Variants in E2F7 observed in about 807,000 individuals in gnomAD.
E2F7 encodes the protein transcription factor E2F7.
Under a neutral mutation model 81.1 loss-of-function variants are expected in E2F7, and 35 were observed. The ratio of observed to expected loss-of-function variants is 0.43; its 90% confidence interval spans 0.33 to 0.57. The LOEUF (loss-of-function observed/expected upper bound fraction) is 0.57, where lower values mean the gene tolerates loss of function less well. Ranked by LOEUF, E2F7 falls within the 20% of genes least tolerant of loss-of-function variation. E2F7 has a pLI of 0.04. For synonymous variants in E2F7, 416 were observed against 416.2 expected, an observed-to-expected ratio of 1.00 and a Z score of 0.01; for missense variants, 961 against 1,093.7, an observed-to-expected ratio of 0.88 and a Z score of 1.71.
intron 9 of E2F7, 67 bp from the exon 10 acceptor site, chr12:77,030,399 A>G: frequency 6.7e-7 from 1 of 1,497,146 alleles, no homozygotes; most frequent in Non-Finnish European, 8.9e-7. Context: ...TACTTTCCCA[A>G]AGACAGCCAT....
At chr12:77,034,404 C>A (rs1954832010) in intron 7 of E2F7, among the ~76,000 whole-genome samples, 1 of 152,214 alleles carries the variant, frequency 6.6e-6, no homozygotes, top group Non-Finnish European at 1.5e-5. Flanking sequence ...CCATGCTCAG[C>A]CCAACATGCA....
intron 1 of E2F7, 165 bp from the exon 2 acceptor site, chr12:77,064,800 C>T (rs1955104678): frequency 1.7e-6 from 1 of 587,912 alleles, no homozygotes; most frequent in Admixed American, 3.2e-5. Flanking sequence ...CTTTCTAAAA[C>T]TCACGCGAAC....
intron 7 of E2F7, among the ~76,000 whole-genome samples, chr12:77,038,865 ATTAT>A (rs974672541): frequency 2.6e-5 from 4 of 152,202 alleles, no homozygotes; most frequent in Admixed American, 6.5e-5. Flanking sequence ...TCACTGGAAA[ATTAT>A]TTATTTATCA....
At chr12:77,043,871 A>G (rs1459966524) in intron 6 of E2F7, among the ~76,000 whole-genome samples, 1 of 152,190 alleles carries the variant, frequency 6.6e-6, no homozygotes, top group African/African-American at 2.4e-5. Context: ...TAATGACCAC[A>G]AAGTATTTTC....
At position 77,033,947 on chromosome 12, in the gene E2F7, G is replaced by T. The variant is rs149832700; in HGVS notation, c.1219C>A (p.Arg407Ser). Residue 407 changes from arginine to serine, a missense_variant, in exon 8 of 13, where the codon CGC (arginine) becomes AGC (serine). Physicochemically the swap from Arg to Ser is moderately radical, Grantham distance 110. Coordinates refer to ENST00000322886, the MANE Select transcript of E2F7 (RefSeq NM_203394.3). ...IQVCAKQKLARHGSFNTVQAS... is the reference protein window; with the variant it reads ...IQVCAKQKLASHGSFNTVQAS... ...TGAACTGTGTTAAAAGAACCATGGCGAGCCAGCTTCTGTTTTGCACAGACT... is the reference window on the plus strand; with the variant it reads ...TGAACTGTGTTAAAAGAACCATGGCTAGCCAGCTTCTGTTTTGCACAGACT... The T allele has an allele frequency of 1.2e-4, 201 of 1,614,044 alleles. No homozygotes were observed. The highest frequency in any genetic ancestry group is 1.6e-4 in the Non-Finnish European group (192 of 1,180,020).
At chr12:77,056,689 T>C (rs966357948) in intron 2 of E2F7, among the ~76,000 whole-genome samples, 2 of 152,158 alleles carry the variant, frequency 1.3e-5, no homozygotes, top group East Asian at 1.9e-4. Context: ...CTCGTTTTTT[T>C]AGATTTCCAA....
At chr12:77,057,052 A>T (rs1159941292) in intron 2 of E2F7, among the ~76,000 whole-genome samples, 1 of 151,078 alleles carries the variant, frequency 6.6e-6, no homozygotes, top group Non-Finnish European at 1.5e-5. Flanking sequence ...ACACCCAAAT[A>T]CTTATATTTT....
intron 9 of E2F7, among the ~76,000 whole-genome samples, chr12:77,032,827 T>C (rs1199506834): frequency 6.6e-6 from 1 of 152,234 alleles, no homozygotes; most frequent in Non-Finnish European, 1.5e-5. Flanking sequence ...CTTTTTATCT[T>C]GTTCCTATAA....
Position 77,033,966 on chromosome 12 carries a change from A to C in E2F7, c.1200T>G (p.Cys400Trp). The change falls in exon 8 of 13, where the codon TGT becomes TGG. Residue 400 changes from cysteine to tryptophan, a missense_variant. By Grantham distance (215) the Cys-to-Trp change is radical. This residue lies in a region of E2F7 where 587 missense variants were observed against 620.3 expected (regional missense o/e 0.95). Coordinates refer to ENST00000322886, the MANE Select transcript of E2F7 (RefSeq NM_203394.3). ...KRETYGQIQVCAKQKLARHGS... is the reference protein window; with the variant it reads ...KRETYGQIQVWAKQKLARHGS... The stretch of plus-strand genomic sequence containing the variant: ...CATGGCGAGCCAGCTTCTGTTTTGC[A>C]CAGACTTGAATCTGGCCATATGTTT... 1 of 1,614,234 alleles carries C rather than the reference A, an allele frequency of 6.2e-7. No individual in the cohort carries two copies. Among genetic ancestry groups the C allele is most frequent in the Non-Finnish European group, 8.5e-7 (1 of 1,180,022 alleles).
intron 4 of E2F7, among the ~76,000 whole-genome samples, chr12:77,046,631 C>A (rs566812163): frequency 5.3e-5 from 8 of 152,316 alleles, no homozygotes; most frequent in African/African-American, 1.9e-4. Context: ...AGGCAAACCA[C>A]GCGAACATTT....
intron 7 of E2F7, 125 bp from the exon 8 acceptor site, chr12:77,034,167 A>G: frequency 1.3e-6 from 1 of 754,052 alleles, no homozygotes; most frequent in Non-Finnish European, 1.9e-6. Flanking sequence ...ATCAAAAACT[A>G]AGACAATCAA....
At chr12:77,044,437 A>G in intron 6 of E2F7, 200 bp downstream of exon 6, 1 of 618,708 alleles carries the variant, frequency 1.6e-6, no homozygotes, top group Non-Finnish European at 2.8e-6. Flanking sequence ...ACCGAGGAAA[A>G]GGCACTGACA....
intron 2 of E2F7, among the ~76,000 whole-genome samples, chr12:77,056,642 C>A (rs1955035474): frequency 6.6e-6 from 1 of 152,150 alleles, no homozygotes; most frequent in South Asian, 2.1e-4. Flanking sequence ...ACGTCATTCT[C>A]CAGAGCAGTG....
At position 77,055,775 on chromosome 12, in the gene E2F7, T is replaced by C. The variant is rs535158898; in HGVS notation, c.369+80A>G. On this transcript the variant is annotated intron_variant, in intron 3 of 12. Coordinates refer to ENST00000322886, the MANE Select transcript of E2F7 (RefSeq NM_203394.3). ...TTTTGGCTCAATAGGAGCTGAAAAG[T>C]TGACAGTTCTATGATTTTTTAATAA... is the stretch of plus-strand genomic sequence containing the variant. 5.4e-6 allele frequency: 8 copies of C among 1,490,800 alleles called. No homozygotes were observed. The South Asian group carries it at 8.7e-5, about 16-fold the overall frequency. The allele number at this position is 1,490,800 out of a possible 1,614,324, so 92.3% of individuals were successfully genotyped here.
intron 12 of E2F7, among the ~76,000 whole-genome samples, chr12:77,024,702 T>C (rs901968397): frequency 1.4e-4 from 22 of 152,254 alleles, no homozygotes; most frequent in African/African-American, 4.6e-4. Context: ...TCTTGTTCAC[T>C]GGTTCACTGC....
At chr12:77,058,240 C>T (rs1178390604) in intron 2 of E2F7, among the ~76,000 whole-genome samples, 5 of 152,258 alleles carry the variant, frequency 3.3e-5, no homozygotes, top group East Asian at 3.9e-4. Flanking sequence ...CTATGTGCCA[C>T]GCTCTGTTTC....
At chr12:77,029,213 T>C (rs760942141) in intron 10 of E2F7, among the ~76,000 whole-genome samples, 1 of 152,216 alleles carries the variant, frequency 6.6e-6, no homozygotes, top group Non-Finnish European at 1.5e-5. Flanking sequence ...ATTATTGTAA[T>C]GATTTCCACG....
chr12:77,057,427 C>T (rs1334253220), intron 2 of E2F7, among the ~76,000 whole-genome samples: 3 of 152,076 alleles, frequency 2.0e-5, no homozygotes, highest in East Asian at 1.9e-4. Context: ...CAAGGTTCAT[C>T]TCAAACTCCT....
intron 8 of E2F7, 147 bp downstream of exon 8, chr12:77,033,710 C>T: frequency 1.4e-6 from 1 of 697,908 alleles, no homozygotes; most frequent in Admixed American, 3.5e-5. Flanking sequence ...TGTTTCACTT[C>T]AGCTAAGTAA....
Sources: allele counts gnomAD v4.1 joint callset (sites outside exome capture counted in the v4.1 genomes callset), GRCh38; gene constraint gnomAD v4.1.1; regional missense constraint gnomAD v4.1.1; transcripts MANE v1.5; gene names NCBI Gene and HGNC (gene_info 2026-07-23, HGNC 2026-07-21).